Variants in BIN2 observed in about 807,000 individuals in gnomAD.
BIN2 encodes the protein breast cancer associated protein BRAP1.
A neutral mutation model predicts 67.9 loss-of-function variants in BIN2; 43 were observed. The ratio of observed to expected loss-of-function variants is 0.63; its 90% CI spans 0.50 to 0.82. The LOEUF (loss-of-function observed/expected upper bound fraction) is 0.82. Among genes scored for constraint, BIN2 ranks in the 40% least tolerant of loss-of-function variants. The probability of loss-of-function intolerance (pLI) is 0.00; values close to 1 mark genes in which losing one functional copy is unlikely to be tolerated. For synonymous variants in BIN2, 244 were observed against 246.8 expected, an observed-to-expected ratio of 0.99 and a Z score of 0.11; for missense variants, 581 against 671.6, an observed-to-expected ratio of 0.87 and a Z score of 1.49.
At chr12:51,308,595 T>A (rs1284664695) in intron 2 of BIN2, among the ~76,000 whole-genome samples, 1 of 152,160 alleles carries the variant, frequency 6.6e-6, no homozygotes, top group Admixed American at 6.6e-5. Context: ...TGCCCAAGTG[T>A]TGAAGTGATC....
At chr12:51,307,751 A>C (rs1945908809) in intron 2 of BIN2, among the ~76,000 whole-genome samples, 2 of 152,120 alleles carry the variant, frequency 1.3e-5, no homozygotes, top group Non-Finnish European at 2.9e-5. Flanking sequence ...GTACAAATAA[A>C]GTTCCTAATT....
intron 1 of BIN2, among the ~76,000 whole-genome samples, chr12:51,318,720 G>A (rs1020922145): frequency 1.3e-5 from 2 of 152,074 alleles, no homozygotes; most frequent in African/African-American, 4.8e-5. Context: ...TTTGAGCCTC[G>A]GTTTACAGAA....
intron 11 of BIN2, among the ~76,000 whole-genome samples, chr12:51,287,321 A>T (rs1274922458): frequency 6.6e-6 from 1 of 151,158 alleles, no homozygotes; most frequent in East Asian, 2.0e-4. Context: ...TGACTTAAGG[A>T]AAAGTTGTTT....
Sources: allele counts gnomAD v4.1 joint callset (sites outside exome capture counted in the v4.1 genomes callset), GRCh38; gene constraint gnomAD v4.1.1; transcripts MANE v1.5; gene names NCBI Gene and HGNC (gene_info 2026-07-23, HGNC 2026-07-21).